Variants in BICD2 observed in about 807,000 individuals in gnomAD.
BICD2 encodes BICD cargo adaptor 2, also known as protein bicaudal D homolog 2.
Under a neutral mutation model 72.9 loss-of-function variants are expected in BICD2, and 25 were observed. That is an observed-to-expected ratio of 0.34 (90% confidence interval 0.25 to 0.48). The LOEUF (loss-of-function observed/expected upper bound fraction) is 0.48, where lower values mean the gene tolerates loss of function less well. Ranked by LOEUF, BICD2 falls within the 20% of genes least tolerant of loss-of-function variation. The probability of loss-of-function intolerance (pLI) is 0.99; values close to 1 mark genes in which losing one functional copy is unlikely to be tolerated. For missense variants in BICD2, 894 were observed against 1,175.2 expected (o/e 0.76, Z 3.50); for synonymous variants, 501 against 516.1 (o/e 0.97, Z 0.40).
At chr9:92,742,708 C>T (rs142365633) in intron 1 of BICD2, among the ~76,000 whole-genome samples, 4 of 152,036 alleles carry the variant, frequency 2.6e-5, no homozygotes, top group East Asian at 1.9e-4. Context: ...ATCACCCCCC[C>T]CAAAGAAACT....
Position 92,717,839 on chromosome 9 carries a change from T to A in BICD2, c.2216A>T (p.Asp739Val). ...LRNELKALKE[D>V]AATFSSLRAM... ...ACGCAGCGAGGAGAAGGTGGCTGCG[T>A]CCTCCTTGAGGGCCTTGAGCTCATT... The change falls in exon 6 of 7, where the codon GAC (aspartate) becomes GTC (valine). Residue 739 changes from aspartate to valine, a missense_variant. This residue lies in a region of BICD2 where 321 missense variants were observed against 443.9 expected (regional missense o/e 0.72). Transcript: ENST00000356884. 6.2e-7 allele frequency: 1 copy of A among 1,612,336 alleles called. No individual in the cohort carries two copies. The highest frequency in any genetic ancestry group is 8.5e-7 in the Non-Finnish European group (1 of 1,179,862).
In BICD2 at chr9:92,764,109, C is replaced by G. The variant is rs1364654528; in HGVS notation, c.240+396G>C. ...CCCTCGGCCTCTCCCAGCGGGTCAC[C>G]AGCATCCGTGGCCTCAGCTCCCGGC... is the stretch of plus-strand genomic sequence containing the variant. On this transcript the variant is annotated intron_variant, in intron 1 of 6. Transcript: ENST00000356884. This position sits in a 1 kb window ranked among gnomAD's most constrained non-coding sequence, Gnocchi z 5.5. 6.6e-6 allele frequency among the ~76,000 whole-genome samples: 1 copy of G among 152,216 alleles called. No homozygotes were observed. Among genetic ancestry groups the G allele is most frequent in the Non-Finnish European group, 1.5e-5 (1 of 68,040 alleles).
chr9:92,713,740 G>A lies in BICD2; in HGVS notation c.*1414C>T. On this transcript the variant is annotated 3_prime_UTR_variant, in exon 7 of 7. Coordinates refer to ENST00000356884, the MANE Select transcript of BICD2 (RefSeq NM_001003800.2). ...CACTGCGAGTCTTGCTGGGGCAGGG[G>A]GATCTGGGCCCAGGATGAACACGCA... 3 of 1,348,342 alleles carry A rather than the reference G, an allele frequency of 2.2e-6. No homozygotes were observed. Among genetic ancestry groups the A allele is most frequent in the African/African-American group, 1.5e-5 (1 of 67,982 alleles). The allele number at this position is 1,348,342 out of a possible 1,614,324, so 83.5% of individuals were successfully genotyped here.
rs908773556 is a variant in BICD2 at position 92,719,063 on chromosome 9, C to A, written c.1582G>T (p.Val528Leu). 1.2e-6 allele frequency: 2 copies of A among 1,613,104 alleles called. No homozygotes were observed. The highest frequency in any genetic ancestry group is 1.7e-6 in the Non-Finnish European group (2 of 1,179,986). Residue 528 changes from valine (V) to leucine (L), a missense_variant, in exon 5 of 7, where the codon GTG becomes TTG. Coordinates refer to ENST00000356884, the MANE Select transcript of BICD2 (RefSeq NM_001003800.2). ...TTGGCCAGCTCCTCACTGAAGGTCA[C>A]CAGCTCATCCTGGGCCACACTCAGG... is the stretch of plus-strand genomic sequence containing the variant. ...GSLSVAQDEL[V>L]TFSEELANLY...
At position 92,764,072 on chromosome 9, in the gene BICD2, G is replaced by A. The variant is rs116703209; in HGVS notation, c.240+433C>T. ...AAGGTGACAGAGCCGCAGCCACCCAGACCCAGGCCCACCCTCGGCCTCTCC... is the reference window on the plus strand; with the variant it reads ...AAGGTGACAGAGCCGCAGCCACCCAAACCCAGGCCCACCCTCGGCCTCTCC... On this transcript the variant is annotated intron_variant, in intron 1 of 6. Transcript: ENST00000356884. This position sits in a 1 kb window ranked among gnomAD's most constrained non-coding sequence, Gnocchi z 5.5. Among the ~76,000 whole-genome samples the A allele has an allele frequency of 9.0e-3, 1,371 of 152,268 alleles. 23 individuals are homozygous for A. The highest frequency in any genetic ancestry group is 0.032 in the African/African-American group (1,322 of 41,560).
chr9:92,764,565 C>A lies in BICD2; in HGVS notation c.180G>T (p.Gln60His). The change falls in exon 1 of 7, where the codon CAG becomes CAT. Residue 60 changes from glutamine (Q) to histidine (H), a missense_variant. Physicochemically the swap from Gln to His is conservative, Grantham distance 24 (BLOSUM62 0). Transcript: ENST00000356884. The surrounding 1 kb of genome is among the most constrained non-coding windows in gnomAD (Gnocchi z 5.5). Reference sequence around the variant, plus strand: ...CATAGTCCACCTCGAGCTCCTCGAACTGCAGCTTGAGCTGGTGCTTCTCCT... The same window carrying A: ...CATAGTCCACCTCGAGCTCCTCGAAATGCAGCTTGAGCTGGTGCTTCTCCT... ...VLEEKHQLKL[Q>H]FEELEVDYEA... The A allele has an allele frequency of 6.4e-7, 1 of 1,558,956 alleles. No individual in the cohort carries two copies. The highest frequency in any genetic ancestry group is 8.7e-7 in the Non-Finnish European group (1 of 1,152,492).
In BICD2 at chr9:92,714,676, A is replaced by G. The variant is rs3203916; in HGVS notation, c.*478T>C. On this transcript the variant is annotated 3_prime_UTR_variant, in exon 7 of 7. Coordinates refer to ENST00000356884, the MANE Select transcript of BICD2 (RefSeq NM_001003800.2). ...TTTCCATGAAACTATGCCAAGTGCA[A>G]AGCCATCCTCTGAGGTCGTACCTAT... The G allele has an allele frequency of 0.29, 285,089 of 988,372 alleles. 43,556 individuals are homozygous for G. The highest frequency in any genetic ancestry group is 0.77 in the East Asian group (6,791 of 8,850). 61.2% of individuals were successfully genotyped at this position (988,372 alleles called of 1,614,324 possible).
At chr9:92,751,134 TTTGTTGTTG>T (rs199613227) in intron 1 of BICD2, among the ~76,000 whole-genome samples, 15 of 150,348 alleles carry the variant, frequency 1.0e-4, no homozygotes, top group African/African-American at 3.2e-4. Context: ...TGGTTGGTTT[TTTGTTGTTG>T]TTGTTGTTGT....
At chr9:92,740,864 T>C (rs930331736) in intron 1 of BICD2, among the ~76,000 whole-genome samples, 1 of 152,066 alleles carries the variant, frequency 6.6e-6, no homozygotes, top group Non-Finnish European at 1.5e-5. Flanking sequence ...CCCACAGCCA[T>C]TGGCAAGATG....
At chr9:92,725,803 T>C (rs955107978) in intron 2 of BICD2, among the ~76,000 whole-genome samples, 11 of 152,202 alleles carry the variant, frequency 7.2e-5, no homozygotes, top group Admixed American at 2.0e-4. Context: ...ACCAGGAAAC[T>C]CTCATCTCTG....
rs1469410584 is a variant in BICD2 at position 92,720,122 on chromosome 9, C to T, written c.1062+178G>A. Among the ~76,000 whole-genome samples, 1 of 152,246 alleles carries T rather than the reference C, an allele frequency of 6.6e-6. No individual in the cohort carries two copies. The highest frequency in any genetic ancestry group is 1.5e-5 in the Non-Finnish European group (1 of 68,042). On this transcript the variant is annotated intron_variant, in intron 4 of 6. Transcript: ENST00000356884. This position sits in a 1 kb window ranked among gnomAD's most constrained non-coding sequence, Gnocchi z 5.4. ...GTGCTGCAGTGCCAGGAAACCACTTCTCTGAGACTCCTCTATGTGTGCTCC... is the reference window on the plus strand; with the variant it reads ...GTGCTGCAGTGCCAGGAAACCACTTTTCTGAGACTCCTCTATGTGTGCTCC...
chr9:92,731,226 C>T lies in BICD2; in HGVS notation c.241-1990G>A, dbSNP rs368687751. 2.5e-4 allele frequency among the ~76,000 whole-genome samples: 38 copies of T among 152,296 alleles called. 1 individual carries two copies. The South Asian group carries it at 2.7e-3, about 11-fold the overall frequency. Reference sequence around the variant, plus strand: ...CACATGGCTGCTCAGAACACACCCACGAGCCTGGAGCTGGGGATGCAGACA... The same window carrying T: ...CACATGGCTGCTCAGAACACACCCATGAGCCTGGAGCTGGGGATGCAGACA... On this transcript the variant is annotated intron_variant, in intron 1 of 6. Transcript: ENST00000356884.
chr9:92,758,269 C>G (rs1485650159), intron 1 of BICD2, among the ~76,000 whole-genome samples: 1 of 143,220 alleles, frequency 7.0e-6, no homozygotes, highest in Admixed American at 7.0e-5. Flanking sequence ...ATGAGTAAAG[C>G]AGCCAGGCGC....
At chr9:92,745,969 C>T (rs1854004765) in intron 1 of BICD2, among the ~76,000 whole-genome samples, 1 of 152,190 alleles carries the variant, frequency 6.6e-6, no homozygotes, top group Non-Finnish European at 1.5e-5. Flanking sequence ...CTCGGCCCTT[C>T]CTGGTCTTGG....
At chr9:92,754,580 G>A (rs1043964330) in intron 1 of BICD2, among the ~76,000 whole-genome samples, 10 of 152,206 alleles carry the variant, frequency 6.6e-5, no homozygotes, top group African/African-American at 2.2e-4. Context: ...GCCATTATCT[G>A]TTATGGGAAG....
intron 1 of BICD2, among the ~76,000 whole-genome samples, chr9:92,732,643 G>A (rs1206917490): frequency 6.6e-6 from 1 of 152,160 alleles, no homozygotes; most frequent in East Asian, 1.9e-4. Context: ...AACAAGCCAG[G>A]AGATAGTGGA....
At chr9:92,745,537 C>A (rs563200146) in intron 1 of BICD2, among the ~76,000 whole-genome samples, 9 of 152,192 alleles carry the variant, frequency 5.9e-5, no homozygotes, top group Admixed American at 3.3e-4. Flanking sequence ...CTTGGGCTGC[C>A]GTCAGCACCC....
chr9:92,713,915 G>A lies in BICD2; in HGVS notation c.*1239C>T, dbSNP rs530526089. ...AATGCCTCTTCCGCATGAGAGACAAGGCAAGCAGCCTGCAGGAGAGAAGAC... is the reference window on the plus strand; with the variant it reads ...AATGCCTCTTCCGCATGAGAGACAAAGCAAGCAGCCTGCAGGAGAGAAGAC... On this transcript the variant is annotated 3_prime_UTR_variant, in exon 7 of 7. Transcript: ENST00000356884. 28 of 999,442 alleles carry A rather than the reference G, an allele frequency of 2.8e-5. No individual in the cohort carries two copies. In the South Asian group the frequency reaches 1.0e-3, roughly 36 times the overall value. 61.9% of individuals were successfully genotyped at this position (999,442 alleles called of 1,614,324 possible). A position where few individuals can be genotyped will look rare whatever the true frequency, so the allele number is the denominator to read the frequency against.
intron 5 of BICD2, 127 bp downstream of exon 5, chr9:92,718,412 G>A (rs1853368972): frequency 2.5e-5 from 29 of 1,154,900 alleles, no homozygotes; most frequent in South Asian, 6.3e-5. Flanking sequence ...GCTACTATGG[G>A]GCTGGCTCTG....
Sources: gnomAD v4.1 joint callset for allele counts (sites outside exome capture counted in the v4.1 genomes callset) on GRCh38, gnomAD v4.1.1 for gene constraint, gnomAD v4.1.1 regional missense constraint, Gnocchi (gnomAD v3.1) non-coding constraint, MANE v1.5 for transcripts, NCBI Gene and HGNC (gene_info 2026-07-23, HGNC 2026-07-21) for gene names.